DENND2B: variants seen among roughly 807,000 people sequenced by gnomAD.
The protein encoded by DENND2B is DENN domain-containing protein 2B.
A neutral mutation model predicts 116.0 loss-of-function variants in DENND2B; 32 were observed. That is an observed-to-expected ratio of 0.28 (90% confidence interval 0.21 to 0.37). The LOEUF (loss-of-function observed/expected upper bound fraction) is 0.37. Ranked by LOEUF, DENND2B falls within the 10% of genes least tolerant of loss-of-function variation. The probability of loss-of-function intolerance (pLI) is 1.00; values close to 1 mark genes in which losing one functional copy is unlikely to be tolerated. For missense variants in DENND2B, 1,276 were observed against 1,477.7 expected (o/e 0.86, Z 2.24); for synonymous variants, 588 against 583.9 (o/e 1.01, Z -0.10).
chr11:8,698,137 C>CAAAAAAAAAAAAAAAAAAAAAAA (rs33975736), intron 16 of DENND2B, among the ~76,000 whole-genome samples: 1 of 39,808 alleles, frequency 2.5e-5, no homozygotes, highest in African/African-American at 7.4e-5. Context: ...ACCCTGTCTC[C>CAAAAAAAAAAAAAAAAAAAAAAA]AAAAAAAAAA....
intron 2 of DENND2B, among the ~76,000 whole-genome samples, chr11:8,862,346 T>G (rs1229664732): frequency 1.3e-5 from 1 of 77,188 alleles, no homozygotes; most frequent in Non-Finnish European, 2.6e-5. Context: ...TTTTTTTTTT[T>G]TGAGACAGGG....
intron 4 of DENND2B, among the ~76,000 whole-genome samples, chr11:8,725,757 G>A (rs1202705462): frequency 6.6e-6 from 1 of 152,170 alleles, no homozygotes; most frequent in East Asian, 1.9e-4. Context: ...TTTGCCTTAA[G>A]GGCACACAGC....
At chr11:8,791,661 G>T (rs2059390352) in intron 1 of DENND2B, among the ~76,000 whole-genome samples, 1 of 151,900 alleles carries the variant, frequency 6.6e-6, no homozygotes, top group Non-Finnish European at 1.5e-5. Flanking sequence ...CACCTACTTG[G>T]GAGGCTGAGG....
In DENND2B at chr11:8,714,049, A is replaced by G. The variant is rs761635124; in HGVS notation, c.1943-7T>C. 6.2e-7 allele frequency: 1 copy of G among 1,614,024 alleles called. No homozygotes were observed. Among genetic ancestry groups the G allele is most frequent in the Non-Finnish European group, 8.5e-7 (1 of 1,180,036 alleles). On this transcript the variant is annotated splice_region_variant and splice_polypyrimidine_tract_variant and intron_variant, in intron 7 of 19. Transcript: ENST00000313726. ...TCGCTCTCACTGTTTTCATCTGGAAAAGGAACAGCAGAGTACATACTTGCT... is the reference window on the plus strand; with the variant it reads ...TCGCTCTCACTGTTTTCATCTGGAAGAGGAACAGCAGAGTACATACTTGCT...
chr11:8,841,852 T>C (rs1317314403), intron 3 of DENND2B, among the ~76,000 whole-genome samples: 2 of 152,176 alleles, frequency 1.3e-5, no homozygotes, highest in Non-Finnish European at 2.9e-5. Flanking sequence ...TCGATTCCTC[T>C]ATTCTAACCA....
In DENND2B at chr11:8,790,073, A is replaced by C. The variant is rs551858473; in HGVS notation, c.-26+20444T>G. Among the ~76,000 whole-genome samples, 5 of 152,098 alleles carry C rather than the reference A, an allele frequency of 3.3e-5. 1 individual carries two copies. The highest frequency in any genetic ancestry group is 2.0e-4 in the Admixed American group (3 of 15,272). ...CCTGCCAAGGACAACAAACACGACC[A>C]ACTGGGACTTCCCTGCACACTCTAC... On this transcript the variant is annotated intron_variant, in intron 1 of 19. Transcript: ENST00000313726.
In DENND2B at chr11:8,717,766, C is replaced by T; in HGVS notation, c.1604G>A (p.Arg535Lys). ...SLHRMWSPQD[R>K]KYNSPPTQLS... ...CTGTGTGGGCGGGCTGTTGTACTTCCTGTCCTGAGGACTCCACATCCTGTG... is the reference window on the plus strand; with the variant it reads ...CTGTGTGGGCGGGCTGTTGTACTTCTTGTCCTGAGGACTCCACATCCTGTG... The change falls in exon 5 of 20, where the codon AGG becomes AAG. Residue 535 changes from arginine to lysine, a missense_variant. Arg to Lys is a conservative substitution (Grantham distance 26). Transcript: ENST00000313726. The T allele has an allele frequency of 6.3e-7, 1 of 1,583,758 alleles. No individual in the cohort carries two copies. The highest frequency in any genetic ancestry group is 8.6e-7 in the Non-Finnish European group (1 of 1,160,558).
Position 8,750,870 on chromosome 11 carries a change from T to C in DENND2B, c.-25-145A>G, listed in dbSNP as rs796380284. Reference sequence around the variant, plus strand: ...CTTTCCCACTTAATGTTTAACTCCATGTGTTACAGCTTAAGAGACCCCAAG... The same window carrying C: ...CTTTCCCACTTAATGTTTAACTCCACGTGTTACAGCTTAAGAGACCCCAAG... On this transcript the variant is annotated intron_variant, in intron 1 of 19. Coordinates refer to ENST00000313726, the MANE Select transcript of DENND2B (RefSeq NM_213618.2). 21 of 680,654 alleles carry C rather than the reference T, an allele frequency of 3.1e-5. No individual in the cohort carries two copies. In the African/African-American group the frequency reaches 3.6e-4, roughly 12 times the overall value. The allele number at this position is 680,654 out of a possible 1,614,324, so 42.2% of individuals were successfully genotyped here.
In DENND2B at chr11:8,707,175, A is replaced by G. The variant is rs150935603; in HGVS notation, c.2481T>C (p.Tyr827=). The part of the protein sequence containing the change: ...RRRGISAALV[Y]PFMRSLMESP... Reference sequence around the variant, plus strand: ...ACTCCATGAGACTTCTCATGAAAGGATAGACCAATGCAGCGGAGATCCCAC... The same window carrying G: ...ACTCCATGAGACTTCTCATGAAAGGGTAGACCAATGCAGCGGAGATCCCAC... Residue 827 remains tyrosine (Y), a synonymous_variant, in exon 13 of 20, where the codon TAT becomes TAC. Coordinates refer to ENST00000313726, the MANE Select transcript of DENND2B (RefSeq NM_213618.2). The surrounding 1 kb of genome is among the most constrained non-coding windows in gnomAD (Gnocchi z 4.8). 4 of 1,613,810 alleles carry G rather than the reference A, an allele frequency of 2.5e-6. No individual in the cohort carries two copies. Among genetic ancestry groups the G allele is most frequent in the Admixed American group, 1.7e-5 (1 of 59,978 alleles).
chr11:8,863,130 A>G (rs544955319), intron 2 of DENND2B, among the ~76,000 whole-genome samples: 1 of 152,158 alleles, frequency 6.6e-6, no homozygotes, highest in South Asian at 2.1e-4. Flanking sequence ...TGTCTGGGCA[A>G]CATAGGGGGA....
At chr11:8,892,194 G>A (rs910893778) in intron 1 of DENND2B, among the ~76,000 whole-genome samples, 4 of 152,150 alleles carry the variant, frequency 2.6e-5, no homozygotes, top group African/African-American at 9.7e-5. Context: ...TGAAACCAAT[G>A]AGAACAAAGA....
chr11:8,745,590 T>C (rs898948767), intron 2 of DENND2B, among the ~76,000 whole-genome samples: 3 of 152,348 alleles, frequency 2.0e-5, no homozygotes, highest in African/African-American at 7.2e-5. Context: ...CAGCAGGTGG[T>C]GGAAATTATC....
At chr11:8,696,789 G>T in intron 17 of DENND2B, 123 bp from the exon 18 acceptor site, 1 of 1,455,876 alleles carries the variant, frequency 6.9e-7, no homozygotes, top group South Asian at 1.4e-5. Context: ...TTCTGTTCTG[G>T]AAGCTCTTTT....
intron 1 of DENND2B, among the ~76,000 whole-genome samples, chr11:8,895,907 A>C (rs560813364): frequency 6.6e-6 from 1 of 152,246 alleles, no homozygotes; most frequent in East Asian, 1.9e-4. Flanking sequence ...TACAGGTATG[A>C]ACCACCATGA....
At chr11:8,891,647 C>A (rs1389907882) in intron 1 of DENND2B, among the ~76,000 whole-genome samples, 1 of 152,044 alleles carries the variant, frequency 6.6e-6, no homozygotes, top group Non-Finnish European at 1.5e-5. Context: ...ACAAAGAAGG[C>A]CATTACATAA....
At chr11:8,765,060 G>A (rs574813113) in intron 1 of DENND2B, among the ~76,000 whole-genome samples, 1 of 151,998 alleles carries the variant, frequency 6.6e-6, no homozygotes, top group Admixed American at 6.6e-5. Flanking sequence ...TAGTTCAGAA[G>A]GCTCTGAGTC....
At chr11:8,711,857 A>T in intron 9 of DENND2B, 1 of 368,770 alleles carries the variant, frequency 2.7e-6, no homozygotes, top group Non-Finnish European at 5.5e-6. Context: ...ACAAGAGCGA[A>T]ACTCCGTCTC....
intron 4 of DENND2B, among the ~76,000 whole-genome samples, chr11:8,820,745 T>G (rs2061729710): frequency 6.6e-6 from 1 of 152,322 alleles, no homozygotes; most frequent in East Asian, 1.9e-4. Flanking sequence ...AGAGCCCCAC[T>G]AAACTGATTT....
intron 2 of DENND2B, among the ~76,000 whole-genome samples, chr11:8,860,578 T>C (rs974901058): frequency 3.3e-5 from 5 of 152,152 alleles, no homozygotes; most frequent in African/African-American, 9.7e-5. Flanking sequence ...CCCATGCTCA[T>C]GAAATCAAAG....
Sources: gnomAD v4.1 joint callset for allele counts (sites outside exome capture counted in the v4.1 genomes callset) on GRCh38, gnomAD v4.1.1 for gene constraint, Gnocchi (gnomAD v3.1) non-coding constraint, MANE v1.5 for transcripts, NCBI Gene and HGNC (gene_info 2026-07-23, HGNC 2026-07-21) for gene names.